PROCR: variants seen among roughly 807,000 people sequenced by gnomAD.
PROCR encodes endothelial protein C receptor.
Under a neutral mutation model 24.2 loss-of-function variants are expected in PROCR, and 22 were observed. The ratio of observed to expected loss-of-function variants is 0.91; its 90% CI spans 0.65 to 1.30. PROCR has a LOEUF of 1.30. PROCR is among the 50% of genes most tolerant of loss of function. PROCR has a pLI of 0.00. For missense variants in PROCR, 288 were observed against 307.7 expected (o/e 0.94, Z 0.48); for synonymous variants, 137 against 139.2 (o/e 0.98, Z 0.11).
intron 1 of PROCR, among the ~76,000 whole-genome samples, chr20:35,188,675 CGAATATTGG>C (rs2086147564): frequency 6.6e-6 from 1 of 151,972 alleles, no homozygotes; most frequent in Non-Finnish European, 1.5e-5. Flanking sequence ...GTGGTTGCTC[CGAATATTGG>C]TTATATAAGG....
upstream of PROCR, among the ~76,000 whole-genome samples, chr20:35,171,657 C>A (rs1226292894): frequency 1.3e-5 from 2 of 152,130 alleles, no homozygotes; most frequent in African/African-American, 2.4e-5. Flanking sequence ...AAATTTTAAT[C>A]TTGGATCTGT....
chr20:35,182,428 G>T (rs1282289922), intron 1 of PROCR, among the ~76,000 whole-genome samples: 1 of 151,972 alleles, frequency 6.6e-6, no homozygotes, highest in Non-Finnish European at 1.5e-5. Context: ...AAATAAAATA[G>T]AAAAGCAAAA....
rs986918728 is a variant in PROCR at position 35,177,343 on chromosome 20, A to C, written c.*530A>C. On this transcript the variant is annotated 3_prime_UTR_variant, in exon 4 of 4. Transcript: ENST00000216968. ...TATTAATCAATTAATAATATTAATA[A>C]ATTTCTTATATTTAAGGCATTGTTA... 4.0e-5 allele frequency: 39 copies of C among 980,550 alleles called. No homozygotes were observed. The highest frequency in any genetic ancestry group is 1.2e-4 in the Admixed American group (2 of 16,268). The allele number at this position is 980,550 out of a possible 1,614,324, so 60.7% of individuals were successfully genotyped here. A position where few individuals can be genotyped will look rare whatever the true frequency, so the allele number is the denominator to read the frequency against.
chr20:35,205,778 T>TGTAC (rs1568600678), intron 1 of PROCR, among the ~76,000 whole-genome samples: 1,432 of 135,802 alleles, frequency 0.011, 72 homozygotes, highest in African/African-American at 0.038. Context: ...TATATATATA[T>TGTAC]ATATATATAT....
At chr20:35,205,909 C>A (rs926841074) in intron 1 of PROCR, among the ~76,000 whole-genome samples, 1 of 143,720 alleles carries the variant, frequency 7.0e-6, no homozygotes, top group African/African-American at 2.6e-5. Flanking sequence ...TCCGGTGATC[C>A]CCCCCCCAAC....
chr20:35,177,034 C>A lies in PROCR; in HGVS notation c.*221C>A. Reference sequence around the variant, plus strand: ...TGCTAAGAACCTAAGAACGTGTATGCTTTGCTGAATTAGTCTGATAAGTGA... The same window carrying A: ...TGCTAAGAACCTAAGAACGTGTATGATTTGCTGAATTAGTCTGATAAGTGA... On this transcript the variant is annotated 3_prime_UTR_variant, in exon 4 of 4. Transcript: ENST00000216968. The A allele has an allele frequency of 2.2e-6, 3 of 1,364,004 alleles. No homozygotes were observed. The highest frequency in any genetic ancestry group is 2.8e-6 in the Non-Finnish European group (3 of 1,054,662). The allele number at this position is 1,364,004 out of a possible 1,614,324, so 84.5% of individuals were successfully genotyped here.
At chr20:35,189,943 T>C (rs1175046042) in intron 1 of PROCR, among the ~76,000 whole-genome samples, 8 of 152,222 alleles carry the variant, frequency 5.3e-5, no homozygotes, top group Admixed American at 5.2e-4. Flanking sequence ...CTTACTTTAC[T>C]GATAATAATC....
chr20:35,187,010 A>G lies in PROCR; in HGVS notation c.94+10564A>G, dbSNP rs570698786. 3.3e-5 allele frequency among the ~76,000 whole-genome samples: 5 copies of G among 151,794 alleles called. No individual in the cohort carries two copies. The South Asian group carries it at 8.4e-4, about 25-fold the overall frequency. ...TGTTTAAGTCAGTGGCCTGCAAAACATGTTAACAATTAGGTCAATTCCTTC... is the reference window on the plus strand; with the variant it reads ...TGTTTAAGTCAGTGGCCTGCAAAACGTGTTAACAATTAGGTCAATTCCTTC... On this transcript the variant is annotated intron_variant, in intron 1 of 1. Transcript: ENST00000634509.
intron 1 of PROCR, among the ~76,000 whole-genome samples, chr20:35,212,031 A>C (rs912102211): frequency 2.6e-5 from 4 of 152,220 alleles, no homozygotes; most frequent in East Asian, 1.9e-4. Flanking sequence ...AAAAAAAAAA[A>C]CAAACACTGT....
At chr20:35,201,701 A>G (rs1201669931) in intron 1 of PROCR, 1 of 151,980 alleles carries the variant, frequency 6.6e-6, no homozygotes, top group Non-Finnish European at 1.5e-5. Flanking sequence ...AAAAAAAGAC[A>G]AAGATCATCA....
chr20:35,205,829 CTACATA>C (rs2060339269), intron 1 of PROCR, among the ~76,000 whole-genome samples: 1 of 117,154 alleles, frequency 8.5e-6, no homozygotes, highest in African/African-American at 3.8e-5. Context: ...ATACATATAT[CTACATA>C]TACATATATA....
Position 35,176,245 on chromosome 20 carries a change from G to A in PROCR, c.400G>A (p.Ala134Thr). Residue 134 changes from alanine (A) to threonine (T), a missense_variant, in exon 3 of 4, where the codon GCT becomes ACT. Transcript: ENST00000216968. ...TAGAGCCCATGTCTTCTTCGAAGTG[G>A]CTGTGAATGGGAGCTCCTTTGTGAG... ...GSRAHVFFEV[A>T]VNGSSFVSFR... is the part of the protein sequence containing the mutation. 1.2e-6 allele frequency: 2 copies of A among 1,614,196 alleles called. No individual in the cohort carries two copies.
intron 1 of PROCR, among the ~76,000 whole-genome samples, chr20:35,173,825 G>A (rs544946433): frequency 6.6e-6 from 1 of 152,316 alleles, no homozygotes; most frequent in Non-Finnish European, 1.5e-5. Flanking sequence ...GCCAAAGGCA[G>A]CATGAGGAAT....
chr20:35,204,881 A>G (rs1165729364), intron 1 of PROCR, among the ~76,000 whole-genome samples: 2 of 152,150 alleles, frequency 1.3e-5, no homozygotes, highest in Non-Finnish European at 2.9e-5. Context: ...ACAAACTACA[A>G]ACTATTAGCA....
intron 1 of PROCR, among the ~76,000 whole-genome samples, chr20:35,188,579 T>C (rs1287146820): frequency 6.6e-6 from 1 of 152,216 alleles, no homozygotes; most frequent in Non-Finnish European, 1.5e-5. Flanking sequence ...CAATGAATAA[T>C]GAGTGGATTC....
chr20:35,172,641 G>C (rs1000311052), intron 1 of PROCR, among the ~76,000 whole-genome samples: 1 of 152,096 alleles, frequency 6.6e-6, no homozygotes, highest in East Asian at 1.9e-4. Flanking sequence ...TGGAAGAAGT[G>C]GGGGAAGAGT....
At chr20:35,174,462 A>G in intron 1 of PROCR, 1 of 571,680 alleles carries the variant, frequency 1.7e-6, no homozygotes, top group South Asian at 2.0e-5. Context: ...GGCAGAAAGG[A>G]GTGTCTCTTC....
chr20:35,204,690 T>A (rs892484419), intron 1 of PROCR, among the ~76,000 whole-genome samples: 1 of 151,992 alleles, frequency 6.6e-6, no homozygotes, highest in Non-Finnish European at 1.5e-5. Flanking sequence ...ATGGTTTCAC[T>A]GGGAAATTCT....
chr20:35,185,860 C>T (rs1159803212), intron 1 of PROCR, among the ~76,000 whole-genome samples: 2 of 151,704 alleles, frequency 1.3e-5, no homozygotes, highest in Admixed American at 6.6e-5. Flanking sequence ...ACCTGTACCT[C>T]GATAACTTAT....
Sources: gnomAD v4.1 joint callset for allele counts (sites outside exome capture counted in the v4.1 genomes callset) on GRCh38, gnomAD v4.1.1 for gene constraint, MANE v1.5 for transcripts, NCBI Gene and HGNC (gene_info 2026-07-23, HGNC 2026-07-21) for gene names.